The following HMGCLL1 variants were observed in gnomAD, a reference collection of about 807,000 sequenced individuals.
The protein encoded by HMGCLL1 is 3-hydroxy-3-methylglutaryl-CoA lyase like 1, also known as 3-hydroxymethyl-3-methylglutaryl-CoA lyase, cytoplasmic.
In HMGCLL1, 36 loss-of-function variants were observed where a neutral mutation model predicts 39.1. The observed-to-expected ratio is 0.92, with a 90% confidence interval of 0.71 to 1.22. The LOEUF is 1.22. Among genes scored for constraint, HMGCLL1 ranks in the 50% most tolerant of loss-of-function variants. The probability of loss-of-function intolerance (pLI) is 0.00; values close to 1 mark genes in which losing one functional copy is unlikely to be tolerated. For missense variants in HMGCLL1, 451 were observed against 416.5 expected (o/e 1.08, Z -0.72); for synonymous variants, 149 against 144.0 (o/e 1.03, Z -0.25).
chr6:55,485,662 TA>T (rs1200838229), intron 7 of HMGCLL1, among the ~76,000 whole-genome samples: 1 of 151,756 alleles, frequency 6.6e-6, no homozygotes, highest in South Asian at 2.1e-4. Context: ...ACAATTAATT[TA>T]AAAAATACAA....
At chr6:55,468,209 A>G (rs1452445192) in intron 7 of HMGCLL1, among the ~76,000 whole-genome samples, 1 of 152,032 alleles carries the variant, frequency 6.6e-6, no homozygotes, top group Non-Finnish European at 1.5e-5. Flanking sequence ...AACGATGTAT[A>G]TTGTAAGGCA....
chr6:55,520,020 T>C (rs13195703), intron 3 of HMGCLL1, among the ~76,000 whole-genome samples: 42,901 of 146,142 alleles, frequency 0.29, 7,632 homozygotes, highest in Non-Finnish European at 0.38. Context: ...ACACCACATG[T>C]TCTCACTCAT....
At chr6:55,480,476 A>G (rs992592873) in intron 7 of HMGCLL1, among the ~76,000 whole-genome samples, 5 of 151,700 alleles carry the variant, frequency 3.3e-5, no homozygotes, top group African/African-American at 1.2e-4. Flanking sequence ...AATGCTGCTG[A>G]GGATGTGGAG....
chr6:55,525,000 G>A (rs1768241351), intron 3 of HMGCLL1, among the ~76,000 whole-genome samples: 1 of 151,306 alleles, frequency 6.6e-6, no homozygotes, highest in African/African-American at 2.4e-5. Flanking sequence ...AATATTATCT[G>A]TTATAGAAGT....
At chr6:55,453,360 T>C (rs888187626) in intron 7 of HMGCLL1, among the ~76,000 whole-genome samples, 8 of 152,132 alleles carry the variant, frequency 5.3e-5, no homozygotes, top group East Asian at 1.9e-4. Context: ...TTTGTATTTT[T>C]AGTAGAGACG....
intron 1 of HMGCLL1, chr6:55,577,110 A>T: frequency 1.2e-6 from 2 of 1,612,932 alleles, no homozygotes; most frequent in East Asian, 4.5e-5. Flanking sequence ...CCTGCCAAGG[A>T]GACTGAGAAG....
intron 7 of HMGCLL1, among the ~76,000 whole-genome samples, chr6:55,478,658 A>C (rs1211965638): frequency 2.0e-5 from 3 of 151,270 alleles, no homozygotes; most frequent in African/African-American, 7.3e-5. Flanking sequence ...ATACCTAAAA[A>C]TTTTTCATAT....
the HMGCLL1 span, among the ~76,000 whole-genome samples, chr6:55,629,391 G>T: frequency 6.6e-6 from 1 of 152,164 alleles, no homozygotes; most frequent in Non-Finnish European, 1.5e-5. Flanking sequence ...GCATTCAAGA[G>T]ATGACCTGGG....
At chr6:55,653,231 CA>C in the HMGCLL1 span, among the ~76,000 whole-genome samples, 4 of 151,282 alleles carry the variant, frequency 2.6e-5, no homozygotes, top group East Asian at 3.9e-4. Context: ...TAGCTACTAA[CA>C]AAAAAAAAGT....
At chr6:55,587,346 C>T in the HMGCLL1 span, among the ~76,000 whole-genome samples, 1 of 151,896 alleles carries the variant, frequency 6.6e-6, no homozygotes, top group African/African-American at 2.4e-5. Flanking sequence ...CTGTAGGTCG[C>T]CTGTACAGAC....
At chr6:55,614,527 C>A in the HMGCLL1 span, among the ~76,000 whole-genome samples, 2 of 151,944 alleles carry the variant, frequency 1.3e-5, no homozygotes, top group African/African-American at 4.8e-5. Context: ...CTAAGAACAC[C>A]GAAATTATAT....
At chr6:55,442,675 A>G (rs571815829) in intron 7 of HMGCLL1, among the ~76,000 whole-genome samples, 133 of 152,284 alleles carry the variant, frequency 8.7e-4, no homozygotes, top group African/African-American at 3.0e-3. Context: ...CTCCAACATG[A>G]GAAGGTCTCT....
At chr6:55,614,126 G>A in the HMGCLL1 span, among the ~76,000 whole-genome samples, 4 of 151,988 alleles carry the variant, frequency 2.6e-5, no homozygotes, top group East Asian at 7.7e-4. Context: ...GTGGAAATAT[G>A]CAGATGTCTT....
chr6:55,503,160 T>A (rs189705703), intron 5 of HMGCLL1, among the ~76,000 whole-genome samples: 1 of 143,738 alleles, frequency 7.0e-6, no homozygotes, highest in African/African-American at 3.0e-5. Context: ...GCCCTTACCC[T>A]GTGGAATTTA....
intron 1 of HMGCLL1, among the ~76,000 whole-genome samples, chr6:55,554,373 A>C (rs4569966): frequency 6.6e-6 from 1 of 151,652 alleles, no homozygotes; most frequent in South Asian, 2.1e-4. Flanking sequence ...TTGTGGATCC[A>C]CTTGCAGAAT....
At chr6:55,602,683 C>G in the HMGCLL1 span, among the ~76,000 whole-genome samples, 11 of 151,770 alleles carry the variant, frequency 7.2e-5, no homozygotes, top group African/African-American at 2.4e-4. Flanking sequence ...ATGTCACATT[C>G]AAAAATTGAC....
upstream of HMGCLL1, among the ~76,000 whole-genome samples, chr6:55,582,633 C>T (rs1011249776): frequency 2.2e-4 from 33 of 152,080 alleles, no homozygotes; most frequent in Admixed American, 6.6e-4. Flanking sequence ...AGGATTATTT[C>T]ATGTCCTATC....
intron 3 of HMGCLL1, among the ~76,000 whole-genome samples, chr6:55,535,057 A>G (rs747316723): frequency 4.5e-4 from 69 of 152,320 alleles, no homozygotes; most frequent in Non-Finnish European, 7.6e-4. Flanking sequence ...AACATATTTT[A>G]TCTATGTGGA....
chr6:55,589,381 T>C, the HMGCLL1 span, among the ~76,000 whole-genome samples: 3 of 152,044 alleles, frequency 2.0e-5, no homozygotes, highest in Non-Finnish European at 1.5e-5. Flanking sequence ...CTCAATAAAT[T>C]AGGTATTGAT....
Sources: allele counts gnomAD v4.1 joint callset (sites outside exome capture counted in the v4.1 genomes callset), GRCh38; gene constraint gnomAD v4.1.1; transcripts MANE v1.5; gene names NCBI Gene and HGNC (gene_info 2026-07-23, HGNC 2026-07-21).